The following STXBP5L variants were observed in gnomAD, a reference collection of about 807,000 sequenced individuals.
STXBP5L encodes syntaxin-binding protein 5-like.
Under a neutral mutation model 144.5 loss-of-function variants are expected in STXBP5L, and 65 were observed. The ratio of observed to expected loss-of-function variants is 0.45; its 90% CI spans 0.37 to 0.55. STXBP5L has a LOEUF of 0.55. Ranked by LOEUF, STXBP5L falls within the 20% of genes least tolerant of loss-of-function variation. The probability of loss-of-function intolerance (pLI) is 0.00; values close to 1 mark genes in which losing one functional copy is unlikely to be tolerated. For synonymous variants in STXBP5L, 505 were observed against 469.6 expected (o/e 1.08, Z -0.97); for missense variants, 1,298 against 1,405.5 (o/e 0.92, Z 1.22).
At chr3:121,367,595 GTTTTT>G (rs57288480) in intron 20 of STXBP5L, among the ~76,000 whole-genome samples, 3 of 51,360 alleles carry the variant, frequency 5.8e-5, no homozygotes, top group East Asian at 6.8e-4. Context: ...TTCGACTCTT[GTTTTT>G]TTTTTTTTTT....
rs571319801 is a variant in STXBP5L at position 121,054,379 on chromosome 3, G to A, written c.470+8844G>A. On this transcript the variant is annotated intron_variant, in intron 5 of 26. Transcript: ENST00000471454. Reference sequence around the variant, plus strand: ...ACGATAGACTGGATGAAGAAAATGTGGCACATATACACCATGGAATACTAT... The same window carrying A: ...ACGATAGACTGGATGAAGAAAATGTAGCACATATACACCATGGAATACTAT... Among the ~76,000 whole-genome samples the A allele has an allele frequency of 2.1e-3, 312 of 152,126 alleles. 2 individuals carry two copies. The highest frequency in any genetic ancestry group is 1.5e-3 in the Non-Finnish European group (101 of 68,014).
At chr3:121,104,667 G>A (rs2043602703) in intron 5 of STXBP5L, among the ~76,000 whole-genome samples, 1 of 152,120 alleles carries the variant, frequency 6.6e-6, no homozygotes, top group Admixed American at 6.6e-5. Context: ...AATTCAACAA[G>A]TGGTGCTGGT....
chr3:121,196,922 A>G (rs2047942660), intron 9 of STXBP5L, among the ~76,000 whole-genome samples: 1 of 152,076 alleles, frequency 6.6e-6, no homozygotes, highest in Non-Finnish European at 1.5e-5. Context: ...GACTCAAGCA[A>G]TCTTTCCACC....
chr3:121,037,230 G>GTT (rs531825201), intron 3 of STXBP5L, among the ~76,000 whole-genome samples: 12 of 143,490 alleles, frequency 8.4e-5, no homozygotes, highest in African/African-American at 1.8e-4. Flanking sequence ...ACCACACCTG[G>GTT]TTTTTTTTTT....
At chr3:121,051,395 A>T (rs1020252691) in intron 5 of STXBP5L, among the ~76,000 whole-genome samples, 2 of 152,282 alleles carry the variant, frequency 1.3e-5, no homozygotes, top group South Asian at 4.2e-4. Flanking sequence ...TCTCTCAGAC[A>T]ACAGTGCAAT....
intron 5 of STXBP5L, among the ~76,000 whole-genome samples, chr3:121,050,204 C>A (rs1290385808): frequency 2.6e-5 from 4 of 152,140 alleles, no homozygotes; most frequent in Admixed American, 2.6e-4. Context: ...GCTTATTACC[C>A]ACTTCTACTC....
intron 2 of STXBP5L, among the ~76,000 whole-genome samples, chr3:120,920,390 A>G (rs1477804293): frequency 6.6e-6 from 1 of 151,736 alleles, no homozygotes; most frequent in African/African-American, 2.4e-5. Flanking sequence ...AGATGCACAT[A>G]TTTTTGGGGT....
At chr3:121,191,355 C>G (rs57745805) in intron 9 of STXBP5L, among the ~76,000 whole-genome samples, 1 of 152,166 alleles carries the variant, frequency 6.6e-6, no homozygotes, top group African/African-American at 2.4e-5. Context: ...CCGGCCAACA[C>G]GGCGAAACCC....
chr3:121,092,572 T>C (rs1275707694), intron 5 of STXBP5L, among the ~76,000 whole-genome samples: 3 of 152,136 alleles, frequency 2.0e-5, no homozygotes, highest in African/African-American at 7.2e-5. Flanking sequence ...GCTCTCTGTT[T>C]GTCTGTTATT....
intron 20 of STXBP5L, among the ~76,000 whole-genome samples, chr3:121,354,427 A>T (rs1301775950): frequency 6.7e-6 from 1 of 148,810 alleles, no homozygotes; most frequent in Non-Finnish European, 1.5e-5. Context: ...ACCCTTTGCC[A>T]TTATGTAATG....
At chr3:121,112,330 A>G (rs1362974479) in intron 5 of STXBP5L, among the ~76,000 whole-genome samples, 2 of 152,092 alleles carry the variant, frequency 1.3e-5, no homozygotes, top group Non-Finnish European at 2.9e-5. Context: ...GATTCGTGGA[A>G]AAAGCATGGT....
intron 9 of STXBP5L, among the ~76,000 whole-genome samples, chr3:121,182,768 A>G (rs939474686): frequency 1.3e-5 from 2 of 152,232 alleles, no homozygotes; most frequent in Non-Finnish European, 1.5e-5. Context: ...AACCAAGAAA[A>G]CAAGAGAGAG....
chr3:121,062,893 G>C (rs1024280141), intron 5 of STXBP5L, among the ~76,000 whole-genome samples: 5 of 152,138 alleles, frequency 3.3e-5, no homozygotes, highest in African/African-American at 1.2e-4. Context: ...AGTTATTCTA[G>C]TTAGCAATGC....
intron 5 of STXBP5L, among the ~76,000 whole-genome samples, chr3:121,060,352 T>C (rs1192327161): frequency 6.6e-6 from 1 of 152,180 alleles, no homozygotes; most frequent in Non-Finnish European, 1.5e-5. Context: ...AGCTTTTTGA[T>C]GTGCTGCTGG....
intron 18 of STXBP5L, among the ~76,000 whole-genome samples, chr3:121,264,542 C>T (rs1262661330): frequency 6.6e-6 from 1 of 152,062 alleles, no homozygotes; most frequent in Admixed American, 6.6e-5. Context: ...TAAAGACCAT[C>T]GACACTAAGA....
intron 3 of STXBP5L, among the ~76,000 whole-genome samples, chr3:121,028,751 T>C (rs1164103155): frequency 1.3e-5 from 2 of 152,126 alleles, no homozygotes; most frequent in African/African-American, 4.8e-5. Context: ...GTGCAGTGGC[T>C]ATATCCTCAC....
At chr3:121,036,058 G>A (rs775613977) in intron 3 of STXBP5L, among the ~76,000 whole-genome samples, 10 of 152,086 alleles carry the variant, frequency 6.6e-5, no homozygotes, top group Non-Finnish European at 1.5e-4. Context: ...TGGGGGCTGG[G>A]CATGGTGGCT....
At chr3:120,955,147 G>A (rs1050394828) in intron 3 of STXBP5L, 110 bp downstream of exon 3, 30 of 769,432 alleles carry the variant, frequency 3.9e-5, no homozygotes, top group Non-Finnish European at 5.7e-5. Flanking sequence ...TATTTTTTAA[G>A]AAATGAGTAA....
intron 2 of STXBP5L, 80 bp from the exon 3 acceptor site, chr3:120,954,860 C>A (rs1228046988): frequency 9.3e-6 from 10 of 1,075,706 alleles, no homozygotes; most frequent in Non-Finnish European, 1.3e-5. Flanking sequence ...TTTAGACATT[C>A]TGGTGGCTAT....
Sources: gnomAD v4.1 joint callset for allele counts (sites outside exome capture counted in the v4.1 genomes callset) on GRCh38, gnomAD v4.1.1 for gene constraint, MANE v1.5 for transcripts, NCBI Gene and HGNC (gene_info 2026-07-23, HGNC 2026-07-21) for gene names.